SLC24A2: variants seen among roughly 807,000 people sequenced by gnomAD.
SLC24A2 encodes sodium/potassium/calcium exchanger 2.
Under a neutral mutation model 62.0 loss-of-function variants are expected in SLC24A2, and 36 were observed. The ratio of observed to expected loss-of-function variants is 0.58; its 90% CI spans 0.44 to 0.77. SLC24A2 has a LOEUF of 0.77. SLC24A2 is among the 30% of genes least tolerant of loss of function. The pLI is 0.00. For synonymous variants in SLC24A2, 358 were observed against 294.0 expected (o/e 1.22, Z -2.23); for missense variants, 846 against 817.9 (o/e 1.03, Z -0.42).
At chr9:20,207,764 G>A in the SLC24A2 span, among the ~76,000 whole-genome samples, 8 of 152,204 alleles carry the variant, frequency 5.3e-5, no homozygotes, top group Non-Finnish European at 1.2e-4. Flanking sequence ...ACTTACATGT[G>A]TTAGCCACTA....
At chr9:19,798,199 T>C in the SLC24A2 span, among the ~76,000 whole-genome samples, 1 of 152,230 alleles carries the variant, frequency 6.6e-6, no homozygotes, top group East Asian at 1.9e-4. Flanking sequence ...ATGTTTTTAA[T>C]GCTTCATCAT....
the SLC24A2 span, among the ~76,000 whole-genome samples, chr9:20,246,141 T>C: frequency 6.7e-6 from 1 of 149,064 alleles, no homozygotes; most frequent in African/African-American, 2.5e-5. Flanking sequence ...TAGCTAAGAA[T>C]ATAGGTCTGG....
intron 2 of SLC24A2, among the ~76,000 whole-genome samples, chr9:19,737,215 T>C (rs929350232): frequency 4.6e-5 from 7 of 152,338 alleles, no homozygotes; most frequent in Admixed American, 2.6e-4. Context: ...CATATCTGAA[T>C]GTGTTAATTT....
At chr9:20,187,957 G>A in the SLC24A2 span, among the ~76,000 whole-genome samples, 3 of 152,228 alleles carry the variant, frequency 2.0e-5, no homozygotes, top group Admixed American at 1.3e-4. Context: ...CAGTTAGACT[G>A]TGCAGATCCT....
chr9:19,809,486 G>A, the SLC24A2 span, among the ~76,000 whole-genome samples: 10 of 152,086 alleles, frequency 6.6e-5, no homozygotes, highest in African/African-American at 2.4e-4. Context: ...CCCTCCGTAA[G>A]GATTTTTTTA....
the SLC24A2 span, among the ~76,000 whole-genome samples, chr9:20,054,981 G>C: frequency 2.6e-5 from 4 of 152,136 alleles, no homozygotes; most frequent in African/African-American, 9.7e-5. Context: ...GTGAATTAGT[G>C]TCATTCTGTT....
intron 2 of SLC24A2, among the ~76,000 whole-genome samples, chr9:19,670,015 C>T (rs1162220521): frequency 3.9e-5 from 6 of 152,184 alleles, no homozygotes; most frequent in Non-Finnish European, 2.9e-5. Context: ...TCAAGACAGG[C>T]ATTCAGAGAA....
At chr9:20,230,515 G>A in the SLC24A2 span, among the ~76,000 whole-genome samples, 1 of 152,100 alleles carries the variant, frequency 6.6e-6, no homozygotes. Context: ...TGTGTCTTTT[G>A]GCTGCATAAA....
chr9:20,014,132 T>C, the SLC24A2 span, among the ~76,000 whole-genome samples: 1 of 152,038 alleles, frequency 6.6e-6, no homozygotes, highest in Admixed American at 6.6e-5. Flanking sequence ...CTCTAGATTC[T>C]GGGAGGTCAA....
At chr9:19,640,626 A>T (rs554609654) in intron 2 of SLC24A2, among the ~76,000 whole-genome samples, 1 of 152,230 alleles carries the variant, frequency 6.6e-6, no homozygotes, top group African/African-American at 2.4e-5. Context: ...AAAAATAAAT[A>T]TTAGTGCAAA....
the SLC24A2 span, among the ~76,000 whole-genome samples, chr9:20,266,971 A>G: frequency 6.6e-6 from 1 of 151,910 alleles, no homozygotes. Flanking sequence ...AGTCCTAGCT[A>G]CTTGGGTAGC....
intron 2 of SLC24A2, among the ~76,000 whole-genome samples, chr9:19,706,941 C>A (rs1820545983): frequency 6.6e-6 from 1 of 151,618 alleles, no homozygotes; most frequent in Admixed American, 6.6e-5. Context: ...CACAAAAAAC[C>A]CTTCAAAAAA....
intron 3 of SLC24A2, among the ~76,000 whole-genome samples, chr9:19,621,580 CTGTT>C (rs1397105492): frequency 2.6e-5 from 4 of 152,178 alleles, no homozygotes; most frequent in Admixed American, 6.5e-5. Flanking sequence ...AATGTAATCA[CTGTT>C]TGATGGCTGA....
At chr9:20,186,558 G>T in the SLC24A2 span, among the ~76,000 whole-genome samples, 2 of 152,046 alleles carry the variant, frequency 1.3e-5, no homozygotes, top group African/African-American at 4.8e-5. Context: ...ACCTACTTTT[G>T]CTGTTGATTC....
the SLC24A2 span, among the ~76,000 whole-genome samples, chr9:20,080,767 A>C: frequency 6.6e-6 from 1 of 152,108 alleles, no homozygotes; most frequent in Admixed American, 6.5e-5. Context: ...CAATGAACTC[A>C]AACAAATTTA....
the SLC24A2 span, among the ~76,000 whole-genome samples, chr9:20,083,957 T>A: frequency 2.0e-5 from 3 of 152,320 alleles, no homozygotes; most frequent in African/African-American, 7.2e-5. Context: ...TTCTTTTCCT[T>A]TCCATATACC....
chr9:19,535,663 A>G (rs1347056872), intron 8 of SLC24A2, among the ~76,000 whole-genome samples: 1 of 152,144 alleles, frequency 6.6e-6, no homozygotes, highest in Non-Finnish European at 1.5e-5. Context: ...AGATGATTGT[A>G]GATGTGTGGT....
the SLC24A2 span, among the ~76,000 whole-genome samples, chr9:20,296,823 A>G: frequency 1.3e-5 from 2 of 152,226 alleles, no homozygotes; most frequent in East Asian, 3.8e-4. Flanking sequence ...TCATGTATAC[A>G]GTTCATAACT....
At chr9:20,166,235 T>G in the SLC24A2 span, among the ~76,000 whole-genome samples, 1 of 151,986 alleles carries the variant, frequency 6.6e-6, no homozygotes, top group African/African-American at 2.4e-5. Context: ...ACAAAATTAC[T>G]ATGTAGCAAT....
Sources: gnomAD v4.1 joint callset for allele counts (sites outside exome capture counted in the v4.1 genomes callset) on GRCh38, gnomAD v4.1.1 for gene constraint, MANE v1.5 for transcripts, NCBI Gene and HGNC (gene_info 2026-07-23, HGNC 2026-07-21) for gene names.